Variants in ANKMY2 observed in about 807,000 individuals in gnomAD.
ANKMY2 encodes the protein ankyrin repeat and MYND domain-containing protein 2.
In ANKMY2, 36 loss-of-function variants were observed where a neutral mutation model predicts 50.4. The observed-to-expected ratio is 0.71, with a 90% CI of 0.55 to 0.94. The LOEUF is 0.94. ANKMY2 is among the 40% of genes least tolerant of loss of function. The pLI is 0.00. For synonymous variants in ANKMY2, 187 were observed against 178.8 expected (o/e 1.05, Z -0.36); for missense variants, 565 against 524.0 (o/e 1.08, Z -0.76).
intron 9 of ANKMY2, among the ~76,000 whole-genome samples, chr7:16,601,811 A>G (rs1781072119): frequency 6.6e-6 from 1 of 152,156 alleles, no homozygotes; most frequent in African/African-American, 2.4e-5. Flanking sequence ...GCAACTCACT[A>G]TTTCTGATGA....
chr7:16,631,894 C>T (rs986253279), intron 2 of ANKMY2, among the ~76,000 whole-genome samples: 3 of 152,112 alleles, frequency 2.0e-5, no homozygotes, highest in Non-Finnish European at 4.4e-5. Flanking sequence ...AGATTACAGG[C>T]GTGAGGCACT....
chr7:16,625,012 C>T lies in ANKMY2; in HGVS notation c.341G>A (p.Arg114Lys). 2 of 1,614,050 alleles carry T rather than the reference C, an allele frequency of 1.2e-6. No homozygotes were observed. The highest frequency in any genetic ancestry group is 1.7e-6 in the Non-Finnish European group (2 of 1,179,976). ...AAAGGCTGCCATCTGAGCTGCTGTT[C>T]TTCCCACAGAGTTGACAACATCTGT... is the stretch of plus-strand genomic sequence containing the variant. ...AETDVVNSVG[R>K]TAAQMAAFVG... The change falls in exon 4 of 10, where the codon AGA becomes AAA. Residue 114 changes from arginine (R) to lysine (K), a missense_variant. Arg to Lys is a conservative substitution (Grantham distance 26, BLOSUM62 2). Transcript: ENST00000306999.
chr7:16,625,364 G>T (rs1476238512), intron 3 of ANKMY2, among the ~76,000 whole-genome samples: 1 of 152,106 alleles, frequency 6.6e-6, no homozygotes, highest in Admixed American at 6.5e-5. Flanking sequence ...TTTCCTAGAG[G>T]TAACACTTAC....
rs776458197 is a variant in ANKMY2 at position 16,600,749 on chromosome 7, T to C, written c.*12A>G. ...GGGTGAGGATCATCCACACTGGCACTTGCTCTGGCTTTTACTCCTCAGACA... is the reference window on the plus strand; with the variant it reads ...GGGTGAGGATCATCCACACTGGCACCTGCTCTGGCTTTTACTCCTCAGACA... On this transcript the variant is annotated 3_prime_UTR_variant, in exon 10 of 10. Transcript: ENST00000306999. The C allele has an allele frequency of 7.5e-6, 12 of 1,594,544 alleles. No homozygotes were observed. Among genetic ancestry groups the C allele is most frequent in the Non-Finnish European group, 9.4e-6 (11 of 1,170,140 alleles).
At chr7:16,636,271 C>T in intron 2 of ANKMY2, 120 bp downstream of exon 2, 1 of 669,216 alleles carries the variant, frequency 1.5e-6, no homozygotes, top group Non-Finnish European at 2.2e-6. Flanking sequence ...CCACTGCATT[C>T]CAGCCTGGGC....
chr7:16,645,686 A>C lies in ANKMY2; in HGVS notation c.-113T>G. 16 of 1,164,482 alleles carry C rather than the reference A, an allele frequency of 1.4e-5. No individual in the cohort carries two copies. Among genetic ancestry groups the C allele is most frequent in the Non-Finnish European group, 1.9e-5 (16 of 842,600 alleles). 72.1% of individuals were successfully genotyped at this position (1,164,482 alleles called of 1,614,324 possible). ...GAGGCAACTTGAGACCAAGACACTG[A>C]GTAGCCAACCGCGGAAACGCTTCGC... On this transcript the variant is annotated 5_prime_UTR_variant, in exon 1 of 10. Coordinates refer to ENST00000306999, the MANE Select transcript of ANKMY2 (RefSeq NM_020319.3).
intron 9 of ANKMY2, among the ~76,000 whole-genome samples, chr7:16,601,608 G>C (rs1263014779): frequency 6.6e-6 from 1 of 152,242 alleles, no homozygotes; most frequent in Non-Finnish European, 1.5e-5. Flanking sequence ...TAATTCCACT[G>C]AGAGTATATC....
chr7:16,625,104 T>C, intron 3 of ANKMY2, 23 bp from the exon 4 acceptor site: 1 of 1,572,960 alleles, frequency 6.4e-7, no homozygotes, highest in Non-Finnish European at 8.7e-7. Context: ...AGGGAACACA[T>C]TTGTTAATGT....
Position 16,627,108 on chromosome 7 carries a change from T to C in ANKMY2, c.203A>G (p.His68Arg). 3 of 1,612,852 alleles carry C rather than the reference T, an allele frequency of 1.9e-6. No homozygotes were observed. Among genetic ancestry groups the C allele is most frequent in the Non-Finnish European group, 2.5e-6 (3 of 1,179,288 alleles). Residue 68 changes from histidine to arginine, a missense_variant, in exon 3 of 10, where the codon CAT becomes CGT. By Grantham distance (29) the His-to-Arg change is conservative. Transcript: ENST00000306999. ...KLDMCKLLLR[H>R]GADVNCHQHE... ...CTGATGACAATTTACATCGGCTCCATGTCGCAGTAGTAATTTGCACATATC... is the reference window on the plus strand; with the variant it reads ...CTGATGACAATTTACATCGGCTCCACGTCGCAGTAGTAATTTGCACATATC...
intron 4 of ANKMY2, among the ~76,000 whole-genome samples, 156 bp downstream of exon 4, chr7:16,624,827 G>C (rs1297522481): frequency 6.6e-6 from 1 of 152,168 alleles, no homozygotes; most frequent in African/African-American, 2.4e-5. Flanking sequence ...TTTCTCCAGA[G>C]TCACTAGGTG....
At position 16,602,394 on chromosome 7, in the gene ANKMY2, C is replaced by A. The variant is rs150352747; in HGVS notation, c.1127G>T (p.Arg376Ile). ...TATATACATACGGTTTTCCTCTTGT[C>A]TCTTTTCTTTGGCAGCCTCCAACTG... ...KQQLEAAKEK[R>I]QEENHGKLDV... is the part of the protein sequence containing the mutation. Residue 376 changes from arginine (R) to isoleucine (I), a missense_variant, in exon 9 of 10, where the codon AGA becomes ATA. Physicochemically the swap from Arg to Ile is moderately conservative, Grantham distance 97. Coordinates refer to ENST00000306999, the MANE Select transcript of ANKMY2 (RefSeq NM_020319.3). The A allele has an allele frequency of 6.2e-7, 1 of 1,612,688 alleles. No homozygotes were observed. The highest frequency in any genetic ancestry group is 8.5e-7 in the Non-Finnish European group (1 of 1,179,732).
intron 4 of ANKMY2, among the ~76,000 whole-genome samples, chr7:16,620,661 G>C (rs987430519): frequency 6.6e-6 from 1 of 150,710 alleles, no homozygotes; most frequent in Non-Finnish European, 1.5e-5. Context: ...AAAATAAAGA[G>C]TAAAAATGAG....
chr7:16,626,351 A>G (rs1291235700), intron 3 of ANKMY2, among the ~76,000 whole-genome samples: 5 of 152,154 alleles, frequency 3.3e-5, no homozygotes, highest in Non-Finnish European at 1.5e-5. Flanking sequence ...TTTCATTTGT[A>G]TTTTAACTCT....
rs1283847297 is a variant in ANKMY2 at position 16,610,581 on chromosome 7, A to G, written c.714T>C (p.Asp238=). ...TCAAGGTGTCCAGTTTATTCTCTCC[A>G]TCTTTTAAGAAGTTAATGCATTTCT... ...IFQKCINFLK[D]GENKLDTLIK... Residue 238 remains aspartate (D), a synonymous_variant, in exon 6 of 10, where the codon GAT becomes GAC. Transcript: ENST00000306999. 1 of 1,613,674 alleles carries G rather than the reference A, an allele frequency of 6.2e-7. No homozygotes were observed. The highest frequency in any genetic ancestry group is 2.2e-5 in the East Asian group (1 of 44,846).
intron 2 of ANKMY2, among the ~76,000 whole-genome samples, chr7:16,636,128 C>A (rs895793793): frequency 3.3e-5 from 5 of 151,414 alleles, no homozygotes; most frequent in African/African-American, 7.3e-5. Flanking sequence ...TATAGTGAAA[C>A]CCTGTCTCTA....
At chr7:16,629,367 C>T (rs1009166894) in intron 2 of ANKMY2, among the ~76,000 whole-genome samples, 2 of 152,132 alleles carry the variant, frequency 1.3e-5, no homozygotes, top group African/African-American at 4.8e-5. Context: ...AAAACCCTGT[C>T]TCCACTAAAA....
chr7:16,629,169 T>C (rs1583681090), intron 2 of ANKMY2, among the ~76,000 whole-genome samples: 1 of 152,334 alleles, frequency 6.6e-6, no homozygotes, highest in South Asian at 2.1e-4. Context: ...CACTTGTTCT[T>C]TTCTGTTTAC....
chr7:16,613,473 G>A (rs901367376), intron 5 of ANKMY2, among the ~76,000 whole-genome samples: 4 of 152,128 alleles, frequency 2.6e-5, no homozygotes, highest in African/African-American at 7.2e-5. Flanking sequence ...GGTTTCGAGC[G>A]AATAGATTGT....
intron 1 of ANKMY2, among the ~76,000 whole-genome samples, chr7:16,642,652 G>GAA (rs879845640): frequency 3.1e-5 from 4 of 127,072 alleles, no homozygotes. Context: ...ACGTATGAAA[G>GAA]AAAAAAAAAA....
Sources: gnomAD v4.1 joint callset for allele counts (sites outside exome capture counted in the v4.1 genomes callset) on GRCh38, gnomAD v4.1.1 for gene constraint, MANE v1.5 for transcripts, NCBI Gene and HGNC (gene_info 2026-07-23, HGNC 2026-07-21) for gene names.